RYR3: variants seen among roughly 807,000 people sequenced by gnomAD.
The protein encoded by RYR3 is ryanodine receptor 3.
A neutral mutation model predicts 584.3 loss-of-function variants in RYR3; 207 were observed. The observed-to-expected ratio is 0.35, with a 90% CI of 0.32 to 0.40. The LOEUF (loss-of-function observed/expected upper bound fraction) is 0.40. RYR3 is among the 10% of genes least tolerant of loss of function. RYR3 has a pLI of 1.00. For synonymous variants in RYR3, 2,416 were observed against 2,248.5 expected (o/e 1.07, Z -2.11); for missense variants, 5,616 against 6,089.2 (o/e 0.92, Z 2.59).
At chr15:33,457,160 A>G (rs1362383006) in intron 1 of RYR3, among the ~76,000 whole-genome samples, 4 of 152,250 alleles carry the variant, frequency 2.6e-5, no homozygotes, top group African/African-American at 7.2e-5. Flanking sequence ...ATGTGCCAAA[A>G]GAAAATTAAG....
At chr15:33,648,967 G>C (rs2062275893) in intron 30 of RYR3, 105 bp from the exon 31 acceptor site, 8 of 1,112,158 alleles carry the variant, frequency 7.2e-6, no homozygotes, top group East Asian at 2.4e-5. Context: ...AGAAAAAAAA[G>C]GGGGGGCCAA....
intron 38 of RYR3, among the ~76,000 whole-genome samples, chr15:33,690,565 T>A (rs2065348502): frequency 6.6e-6 from 1 of 152,224 alleles, no homozygotes; most frequent in South Asian, 2.1e-4. Flanking sequence ...ATGGAAAGCT[T>A]CCTCATCTGT....
intron 16 of RYR3, among the ~76,000 whole-genome samples, chr15:33,591,862 A>G (rs1362993268): frequency 6.6e-6 from 1 of 152,254 alleles, no homozygotes; most frequent in Non-Finnish European, 1.5e-5. Flanking sequence ...AGGACTTGAC[A>G]TAAAAATCTC....
intron 38 of RYR3, among the ~76,000 whole-genome samples, chr15:33,674,431 T>C (rs1408011905): frequency 6.6e-6 from 1 of 152,222 alleles, no homozygotes; most frequent in Non-Finnish European, 1.5e-5. Context: ...GAATTTCTAG[T>C]AGTGTATGTA....
intron 42 of RYR3, among the ~76,000 whole-genome samples, chr15:33,704,635 T>C (rs914985992): frequency 6.6e-6 from 1 of 152,224 alleles, no homozygotes; most frequent in Non-Finnish European, 1.5e-5. Flanking sequence ...GGTATGACGA[T>C]AACCGATGCT....
At chr15:33,710,484 T>C (rs959792724) in intron 43 of RYR3, among the ~76,000 whole-genome samples, 9 of 151,884 alleles carry the variant, frequency 5.9e-5, no homozygotes, top group African/African-American at 9.7e-5. Flanking sequence ...GCTGGGACTA[T>C]AGGCATGCCA....
At chr15:33,518,089 T>C (rs2053670775) in intron 3 of RYR3, among the ~76,000 whole-genome samples, 1 of 152,236 alleles carries the variant, frequency 6.6e-6, no homozygotes, top group Admixed American at 6.5e-5. Context: ...CAGTGATTTA[T>C]ATAGCCTGCC....
At chr15:33,398,884 G>A (rs759639300) in intron 1 of RYR3, among the ~76,000 whole-genome samples, 26 of 152,230 alleles carry the variant, frequency 1.7e-4, no homozygotes, top group Non-Finnish European at 3.1e-4. Context: ...GTACCTGGGT[G>A]CGGGGTGCAC....
intron 18 of RYR3, 89 bp from the exon 19 acceptor site, chr15:33,613,094 C>T: frequency 1.1e-6 from 1 of 946,898 alleles, no homozygotes. Context: ...ATCACACCTC[C>T]CCACCTCCCG....
intron 4 of RYR3, among the ~76,000 whole-genome samples, chr15:33,532,045 C>T (rs1195345619): frequency 6.6e-6 from 1 of 152,182 alleles, no homozygotes; most frequent in Non-Finnish European, 1.5e-5. Context: ...CATATACTCT[C>T]TACTGGCTAG....
chr15:33,530,353 C>A (rs1394305648), intron 3 of RYR3, among the ~76,000 whole-genome samples: 1 of 152,172 alleles, frequency 6.6e-6, no homozygotes, highest in South Asian at 2.1e-4. Context: ...TGATCCTGGG[C>A]AGAGGCCATT....
intron 1 of RYR3, among the ~76,000 whole-genome samples, chr15:33,466,166 A>G (rs893638050): frequency 6.6e-6 from 1 of 152,122 alleles, no homozygotes; most frequent in African/African-American, 2.4e-5. Flanking sequence ...AAAGCCATGT[A>G]ACCAAATGGA....
At chr15:33,549,607 A>G (rs2056520152) in intron 9 of RYR3, among the ~76,000 whole-genome samples, 1 of 152,196 alleles carries the variant, frequency 6.6e-6, no homozygotes. Flanking sequence ...ACTTGTCTTA[A>G]TCCTTTTATC....
intron 78 of RYR3, 52 bp downstream of exon 78, chr15:33,820,864 C>T (rs1351485708): frequency 2.4e-6 from 3 of 1,226,750 alleles, no homozygotes; most frequent in East Asian, 2.8e-5. Context: ...GCCAATAGGC[C>T]AGGCCTTCAG....
chr15:33,502,625 A>G lies in RYR3; in HGVS notation c.172-1006A>G, dbSNP rs569138417. ...TTTGTATTTCTTTGTATCTTTTCCA[A>G]TATCAAGCACTACGTAAATGAAATA... On this transcript the variant is annotated intron_variant, in intron 2 of 103. Coordinates refer to ENST00000634891, the MANE Select transcript of RYR3 (RefSeq NM_001036.6). Among the ~76,000 whole-genome samples, 5 of 152,356 alleles carry G rather than the reference A, an allele frequency of 3.3e-5. No homozygotes were observed. In the South Asian group the frequency reaches 1.0e-3, roughly 32 times the overall value.
chr15:33,551,667 A>G (rs139050390), intron 10 of RYR3, among the ~76,000 whole-genome samples: 12 of 152,136 alleles, frequency 7.9e-5, no homozygotes, highest in East Asian at 3.9e-4. Flanking sequence ...CTCAAATGTC[A>G]TCTTCCTTCT....
chr15:33,739,858 G>A lies in RYR3; in HGVS notation c.7683G>A (p.Met2561Ile). Reference sequence around the variant, plus strand: ...AATATGACCCAGATCTTTTCCGAATGGCCCTGCCTTGTCTCAGTGCTATAG... The same window carrying A: ...AATATGACCCAGATCTTTTCCGAATAGCCCTGCCTTGTCTCAGTGCTATAG... Reference protein sequence around the residue: ...HKKYDPDLFRMALPCLSAIAG... With the variant: ...HKKYDPDLFRIALPCLSAIAG... The change falls in exon 51 of 104, where the codon ATG (methionine) becomes ATA (isoleucine). Residue 2561 changes from methionine (M) to isoleucine (I), a missense_variant. Around this residue, in one of 9 missense-constraint regions of RYR3, gnomAD observed 1,280 missense variants for 1,426.2 expected, o/e 0.90. Transcript: ENST00000634891. 1.9e-6 allele frequency: 3 copies of A among 1,613,576 alleles called. No homozygotes were observed. Among genetic ancestry groups the A allele is most frequent in the Non-Finnish European group, 2.5e-6 (3 of 1,179,768 alleles).
At chr15:33,805,862 A>G (rs2076179830) in intron 69 of RYR3, among the ~76,000 whole-genome samples, 1 of 151,514 alleles carries the variant, frequency 6.6e-6, no homozygotes, top group Non-Finnish European at 1.5e-5. Context: ...TCTCTCTCAT[A>G]AATGTGCACA....
chr15:33,593,131 A>T (rs1439752371), intron 16 of RYR3, among the ~76,000 whole-genome samples: 3 of 152,236 alleles, frequency 2.0e-5, no homozygotes, highest in Non-Finnish European at 4.4e-5. Flanking sequence ...TCAGATATGC[A>T]TCTATCTCAG....
Sources: gnomAD v4.1 joint callset for allele counts (sites outside exome capture counted in the v4.1 genomes callset) on GRCh38, gnomAD v4.1.1 for gene constraint, gnomAD v4.1.1 regional missense constraint, MANE v1.5 for transcripts, NCBI Gene and HGNC (gene_info 2026-07-23, HGNC 2026-07-21) for gene names.